FAF1: variants seen among roughly 807,000 people sequenced by gnomAD.
FAF1 encodes the protein FAS-associated factor 1.
FAF1 carries 25 observed loss-of-function variants against 92.5 expected under a neutral mutation model. The observed-to-expected ratio is 0.27, with a 90% CI of 0.20 to 0.38. FAF1 has a LOEUF of 0.38. Ranked by LOEUF, FAF1 falls within the 10% of genes least tolerant of loss-of-function variation. The pLI is 1.00. For synonymous variants in FAF1, 234 were observed against 273.2 expected (o/e 0.86, Z 1.42); for missense variants, 636 against 793.3 (o/e 0.80, Z 2.38).
chr1:50,719,071 CAT>C (rs1441361876), intron 6 of FAF1, among the ~76,000 whole-genome samples: 1 of 152,178 alleles, frequency 6.6e-6, no homozygotes, highest in Non-Finnish European at 1.5e-5. Flanking sequence ...AAATCTGGCA[CAT>C]ATGTAAATGA....
chr1:50,609,438 G>T (rs1652592083), intron 8 of FAF1, among the ~76,000 whole-genome samples: 1 of 152,172 alleles, frequency 6.6e-6, no homozygotes, highest in Admixed American at 6.5e-5. Context: ...AGGCTGGAGT[G>T]CAGTGGCTTG....
intron 7 of FAF1, among the ~76,000 whole-genome samples, chr1:50,667,535 C>T (rs571109171): frequency 2.6e-5 from 4 of 152,256 alleles, no homozygotes; most frequent in South Asian, 2.1e-4. Context: ...ACTAAAACTG[C>T]GTCTATAAGG....
intron 1 of FAF1, among the ~76,000 whole-genome samples, chr1:50,895,933 G>C (rs138961606): frequency 6.6e-6 from 1 of 152,130 alleles, no homozygotes; most frequent in Non-Finnish European, 1.5e-5. Context: ...CAAACCCACA[G>C]CTAGCATCAT....
intron 7 of FAF1, among the ~76,000 whole-genome samples, chr1:50,700,847 T>C (rs770904598): frequency 3.3e-5 from 5 of 152,074 alleles, no homozygotes; most frequent in Non-Finnish European, 5.9e-5. Flanking sequence ...TATTCTAAAA[T>C]AGTTCCAGAG....
chr1:50,700,252 A>G (rs1569793391), intron 7 of FAF1, among the ~76,000 whole-genome samples: 1 of 151,176 alleles, frequency 6.6e-6, no homozygotes, highest in East Asian at 1.9e-4. Context: ...GCTGTGTGTA[A>G]TGGGTCCACT....
intron 2 of FAF1, among the ~76,000 whole-genome samples, chr1:50,841,968 A>G (rs1234713386): frequency 1.3e-5 from 2 of 152,044 alleles, no homozygotes; most frequent in African/African-American, 4.8e-5. Context: ...AGAATGCTGG[A>G]TCATTACATT....
At position 50,642,753 on chromosome 1, in the gene FAF1, A is replaced by C. The variant is rs193154443; in HGVS notation, c.744+12689T>G. Reference sequence around the variant, plus strand: ...TTTCCTTTTAATGTAATTCATACTTACTGTAATTATCAATATGGTTAGATT... The same window carrying C: ...TTTCCTTTTAATGTAATTCATACTTCCTGTAATTATCAATATGGTTAGATT... On this transcript the variant is annotated intron_variant, in intron 8 of 18. Coordinates refer to ENST00000396153, the MANE Select transcript of FAF1 (RefSeq NM_007051.3). 1.3e-3 allele frequency among the ~76,000 whole-genome samples: 198 copies of C among 152,290 alleles called. 1 individual carries two copies. Among genetic ancestry groups the C allele is most frequent in the Non-Finnish European group, 2.3e-3 (154 of 68,014 alleles).
intron 15 of FAF1, among the ~76,000 whole-genome samples, chr1:50,525,812 A>G (rs1230646701): frequency 6.6e-6 from 1 of 152,104 alleles, no homozygotes; most frequent in African/African-American, 2.4e-5. Flanking sequence ...TCTTGTTAGT[A>G]TCAGAGTTAC....
intron 13 of FAF1, among the ~76,000 whole-genome samples, chr1:50,546,410 G>C (rs1649018650): frequency 6.6e-6 from 1 of 152,072 alleles, no homozygotes; most frequent in Non-Finnish European, 1.5e-5. Context: ...CTGTCGTCTA[G>C]GCTGGAGTGC....
chr1:50,441,797 G>C (rs1203665390), intron 18 of FAF1, among the ~76,000 whole-genome samples: 1 of 151,990 alleles, frequency 6.6e-6, no homozygotes, highest in Non-Finnish European at 1.5e-5. Context: ...GCAGAACAGG[G>C]GGCCCTTGGG....
intron 17 of FAF1, among the ~76,000 whole-genome samples, chr1:50,485,106 A>T (rs1052422097): frequency 1.3e-5 from 2 of 151,618 alleles, no homozygotes; most frequent in African/African-American, 4.8e-5. Flanking sequence ...AAGTATAATA[A>T]AAAAAAGAAA....
At chr1:50,448,926 G>A (rs900113048) in intron 18 of FAF1, among the ~76,000 whole-genome samples, 2 of 146,502 alleles carry the variant, frequency 1.4e-5, no homozygotes, top group Non-Finnish European at 3.0e-5. Flanking sequence ...AACATGATAC[G>A]AGGGTCACAG....
At position 50,645,540 on chromosome 1, in the gene FAF1, G is replaced by A. The variant is rs188288098; in HGVS notation, c.744+9902C>T. On this transcript the variant is annotated intron_variant, in intron 8 of 18. Transcript: ENST00000396153. Reference sequence around the variant, plus strand: ...TGGCACAGTACATTAAGAAATCAATGTGGCCAGGCGCTATGGCTCATGCCT... The same window carrying A: ...TGGCACAGTACATTAAGAAATCAATATGGCCAGGCGCTATGGCTCATGCCT... 2.3e-3 allele frequency among the ~76,000 whole-genome samples: 355 copies of A among 152,196 alleles called. 1 individual carries two copies. Among genetic ancestry groups the A allele is most frequent in the African/African-American group, 8.3e-3 (345 of 41,560 alleles).
chr1:50,885,312 T>TCA (rs376434464), intron 1 of FAF1, among the ~76,000 whole-genome samples: 9 of 137,368 alleles, frequency 6.6e-5, no homozygotes, highest in East Asian at 4.2e-4. Context: ...TCTCTCTCTC[T>TCA]CACACACACA....
chr1:50,587,387 T>C (rs1651286422), intron 9 of FAF1, among the ~76,000 whole-genome samples: 1 of 152,210 alleles, frequency 6.6e-6, no homozygotes, highest in South Asian at 2.1e-4. Flanking sequence ...ATATTTCAAA[T>C]ATGAATTATT....
intron 1 of FAF1, among the ~76,000 whole-genome samples, chr1:50,886,157 A>C (rs1644661838): frequency 6.6e-6 from 1 of 152,094 alleles, no homozygotes; most frequent in African/African-American, 2.4e-5. Context: ...TTTTCTGTGT[A>C]TTTACTGTTG....
intron 8 of FAF1, among the ~76,000 whole-genome samples, chr1:50,638,677 A>G (rs981240235): frequency 6.6e-6 from 1 of 151,884 alleles, no homozygotes; most frequent in Non-Finnish European, 1.5e-5. Context: ...AACTCCTGAC[A>G]TTGTGATCCA....
chr1:50,905,393 T>C (rs1644828617), intron 1 of FAF1, among the ~76,000 whole-genome samples: 1 of 152,230 alleles, frequency 6.6e-6, no homozygotes, highest in African/African-American at 2.4e-5. Context: ...CCTTTGGATA[T>C]ATACCCAATA....
At chr1:50,899,095 T>A (rs1306661897) in intron 1 of FAF1, among the ~76,000 whole-genome samples, 2 of 152,120 alleles carry the variant, frequency 1.3e-5, no homozygotes, top group African/African-American at 4.8e-5. Context: ...TTCACTAGTA[T>A]ACAAGTTCAC....
Sources: allele counts gnomAD v4.1 joint callset (sites outside exome capture counted in the v4.1 genomes callset), GRCh38; gene constraint gnomAD v4.1.1; transcripts MANE v1.5; gene names NCBI Gene and HGNC (gene_info 2026-07-23, HGNC 2026-07-21).